The following COA5 variants were observed in gnomAD, a reference collection of about 807,000 sequenced individuals.
COA5 encodes protein C2orf64.
COA5 carries 11 observed loss-of-function variants against 11.8 expected under a neutral mutation model. The ratio of observed to expected loss-of-function variants is 0.93; its 90% CI spans 0.59 to 1.54. The LOEUF (loss-of-function observed/expected upper bound fraction) is 1.54. COA5 is among the 40% of genes most tolerant of loss of function. The pLI is 0.00. For synonymous variants in COA5, 38 were observed against 37.5 expected, an observed-to-expected ratio of 1.01 and a Z score of -0.05; for missense variants, 87 against 89.2, an observed-to-expected ratio of 0.97 and a Z score of 0.10.
chr2:98,603,875 A>G (rs1307701458), intron 2 of COA5, among the ~76,000 whole-genome samples: 2 of 152,364 alleles, frequency 1.3e-5, no homozygotes, highest in South Asian at 2.1e-4. Flanking sequence ...ACTTTCAGAA[A>G]TGCATGAAGT....
At chr2:98,605,007 G>T (rs927519792) in intron 1 of COA5, among the ~76,000 whole-genome samples, 1 of 152,198 alleles carries the variant, frequency 6.6e-6, no homozygotes, top group African/African-American at 2.4e-5. Context: ...CATATAAAAG[G>T]TTATAACTAT....
rs1488905206 is a variant in COA5 at position 98,599,719 on chromosome 2, T to C, written c.*1033A>G. 6.6e-6 allele frequency: 1 copy of C among 152,276 alleles called. No individual in the cohort carries two copies. The highest frequency in any genetic ancestry group is 1.5e-5 in the Non-Finnish European group (1 of 68,054). 9.4% of individuals were successfully genotyped at this position (152,276 alleles called of 1,614,324 possible). On this transcript the variant is annotated 3_prime_UTR_variant, in exon 3 of 3. Coordinates refer to ENST00000328709, the MANE Select transcript of COA5 (RefSeq NM_001008215.3). ...GGAAACTTGGATTCCTGTTTGACTC[T>C]ACTGTATTAAGTGATCAGAATAAAA...
intron 1 of COA5, chr2:98,604,473 G>T: frequency 2.7e-6 from 1 of 371,696 alleles, no homozygotes; most frequent in Non-Finnish European, 5.0e-6. Context: ...TCTAGAAAGG[G>T]TTATCTTCAT....
At chr2:98,607,152 C>CT in intron 1 of COA5, among the ~76,000 whole-genome samples, 1 of 152,274 alleles carries the variant, frequency 6.6e-6, no homozygotes, top group Non-Finnish European at 1.5e-5. Context: ...CCTTAGATGT[C>CT]TATTTCTCCC....
In COA5 at chr2:98,608,329, A is replaced by G. The variant is rs1202744296; in HGVS notation, c.77T>C (p.Leu26Pro). The change falls in exon 1 of 3, where the codon CTG becomes CCG. Residue 26 changes from leucine to proline, a missense_variant. By Grantham distance (98) the Leu-to-Pro change is moderately conservative. Transcript: ENST00000328709. ...TACCTGGACCACACAGTCCGACTGC[A>G]GCAGACACGCGCCCAGGTCCTCCTT... ...GLKEDLGACLLQSDCVVQEGK... is the reference protein window; with the variant it reads ...GLKEDLGACLPQSDCVVQEGK... The G allele has an allele frequency of 1.9e-6, 3 of 1,607,674 alleles. No homozygotes were observed. The highest frequency in any genetic ancestry group is 2.2e-5 in the South Asian group (2 of 90,214).
At chr2:98,600,819 A>C (rs1263249881) in intron 2 of COA5, 26 bp from the exon 3 acceptor site, 1 of 1,466,164 alleles carries the variant, frequency 6.8e-7, no homozygotes, top group Non-Finnish European at 9.5e-7. Flanking sequence ...CAATTAAATC[A>C]AATTTGGTAC....
intron 1 of COA5, chr2:98,605,806 G>C (rs1213698103): frequency 2.0e-5 from 3 of 152,276 alleles, no homozygotes; most frequent in Non-Finnish European, 4.4e-5. Flanking sequence ...TCTGGAAGCT[G>C]TTAGTGGAGA....
rs146817489 is a variant in COA5, at chr2:98,605,998, C to A, written c.100-1807G>T. 6.5e-3 allele frequency among the ~76,000 whole-genome samples: 988 copies of A among 152,268 alleles called. 18 individuals are homozygous for A. Among genetic ancestry groups the A allele is most frequent in the African/African-American group, 0.022 (925 of 41,544 alleles). On this transcript the variant is annotated intron_variant, in intron 1 of 2. Coordinates refer to ENST00000328709, the MANE Select transcript of COA5 (RefSeq NM_001008215.3). ...CATTACCCTGAGTTTCTCTGAGGCC[C>A]TCTAACTCCTTGACAGTCTCCCAAA... is the stretch of plus-strand genomic sequence containing the variant.
At chr2:98,603,391 G>C (rs369209620) in intron 2 of COA5, among the ~76,000 whole-genome samples, 1 of 152,084 alleles carries the variant, frequency 6.6e-6, no homozygotes, top group East Asian at 1.9e-4. Flanking sequence ...TGAGGCAGGA[G>C]AATCTCTTGA....
At position 98,608,498 on chromosome 2, in the gene COA5, C is replaced by G; in HGVS notation, c.-93G>C. 2 of 1,016,294 alleles carry G rather than the reference C, an allele frequency of 2.0e-6. No individual in the cohort carries two copies. Among genetic ancestry groups the G allele is most frequent in the South Asian group, 2.7e-5 (2 of 73,774 alleles). The allele number at this position is 1,016,294 out of a possible 1,614,324, so 63.0% of individuals were successfully genotyped here. On this transcript the variant is annotated 5_prime_UTR_variant, in exon 1 of 3. Transcript: ENST00000328709. Reference sequence around the variant, plus strand: ...CGAGCGAGGCCCCAGTCTCAGGGGACCGGAAGCCAGCGGCAACAACTTCCG... The same window carrying G: ...CGAGCGAGGCCCCAGTCTCAGGGGAGCGGAAGCCAGCGGCAACAACTTCCG...
At position 98,608,477 on chromosome 2, in the gene COA5, C is replaced by T. The variant is rs541578636; in HGVS notation, c.-72G>A. 3 of 1,218,988 alleles carry T rather than the reference C, an allele frequency of 2.5e-6. No individual in the cohort carries two copies. The highest frequency in any genetic ancestry group is 2.5e-5 in the East Asian group (1 of 39,554). The allele number at this position is 1,218,988 out of a possible 1,614,324, so 75.5% of individuals were successfully genotyped here. ...CACTTGCAACCGGGTCGGGAGCGAG[C>T]GAGGCCCCAGTCTCAGGGGACCGGA... On this transcript the variant is annotated 5_prime_UTR_variant, in exon 1 of 3. Transcript: ENST00000328709.
intron 2 of COA5, chr2:98,602,648 CAAAAAA>C: frequency 1.4e-5 from 1 of 70,348 alleles, no homozygotes; most frequent in Non-Finnish European, 2.9e-5. Context: ...GACTCCATCT[CAAAAAA>C]AAAAAAAAAA....
At chr2:98,606,708 A>C (rs1474836150) in intron 1 of COA5, among the ~76,000 whole-genome samples, 1 of 152,146 alleles carries the variant, frequency 6.6e-6, no homozygotes, top group African/African-American at 2.4e-5. Context: ...TTCTTTCCTC[A>C]GTCCTACTCA....
rs755715634 is a variant in COA5, at chr2:98,600,296, T to C, written c.*456A>G. ...TTCTTCTCTAAGGAATCAAACACAA[T>C]TCATTTTAGAACTAGACAGGAAAAG... is the stretch of plus-strand genomic sequence containing the variant. On this transcript the variant is annotated 3_prime_UTR_variant, in exon 3 of 3. Transcript: ENST00000328709. The C allele has an allele frequency of 2.1e-5, 4 of 187,156 alleles. No homozygotes were observed. Among genetic ancestry groups the C allele is most frequent in the Non-Finnish European group, 4.5e-5 (4 of 88,254 alleles). 11.6% of individuals were successfully genotyped at this position (187,156 alleles called of 1,614,324 possible). A position where few individuals can be genotyped will look rare whatever the true frequency, so the allele number is the denominator to read the frequency against.
At position 98,600,500 on chromosome 2, in the gene COA5, AAC is replaced by A; in HGVS notation, c.*250_*251del. ...TTCTGTGCTTTAGAACAATTCTCAA[AAC>A]ACATTTATTATGCTCCCAACCCATA... On this transcript the variant is annotated 3_prime_UTR_variant, in exon 3 of 3. Coordinates refer to ENST00000328709, the MANE Select transcript of COA5 (RefSeq NM_001008215.3). The A allele has an allele frequency of 1.9e-6, 1 of 521,738 alleles. No individual in the cohort carries two copies. The highest frequency in any genetic ancestry group is 3.5e-6 in the Non-Finnish European group (1 of 288,826). 32.3% of individuals were successfully genotyped at this position (521,738 alleles called of 1,614,324 possible). A position where few individuals can be genotyped will look rare whatever the true frequency, so the allele number is the denominator to read the frequency against.
At chr2:98,601,818 C>T (rs1369557123) in intron 2 of COA5, among the ~76,000 whole-genome samples, 1 of 152,126 alleles carries the variant, frequency 6.6e-6, no homozygotes, top group Admixed American at 6.5e-5. Context: ...CTACTGTGAA[C>T]TGCACATTCA....
chr2:98,606,381 C>T (rs1700705453), intron 1 of COA5, among the ~76,000 whole-genome samples: 1 of 152,216 alleles, frequency 6.6e-6, no homozygotes, highest in African/African-American at 2.4e-5. Flanking sequence ...GAATTTAACA[C>T]AAACTGTATA....
chr2:98,601,774 G>C (rs755766368), intron 2 of COA5, among the ~76,000 whole-genome samples: 4 of 152,138 alleles, frequency 2.6e-5, no homozygotes, highest in Non-Finnish European at 4.4e-5. Flanking sequence ...ATTACATTCA[G>C]ATCAGCAGCA....
At chr2:98,603,470 ACTCCGTCT>A in intron 2 of COA5, among the ~76,000 whole-genome samples, 1 of 151,638 alleles carries the variant, frequency 6.6e-6, no homozygotes, top group Non-Finnish European at 1.5e-5. Flanking sequence ...ACAAAGTGAG[ACTCCGTCT>A]CAAACAAAAA....
Sources: allele counts gnomAD v4.1 joint callset (sites outside exome capture counted in the v4.1 genomes callset), GRCh38; gene constraint gnomAD v4.1.1; transcripts MANE v1.5; gene names NCBI Gene and HGNC (gene_info 2026-07-23, HGNC 2026-07-21).